The following RHOBTB1 variants were observed in gnomAD, a reference collection of about 807,000 sequenced individuals.
The protein encoded by RHOBTB1 is rho-related BTB domain-containing protein 1.
In RHOBTB1, 40 loss-of-function variants were observed where a neutral mutation model predicts 71.6. That is an observed-to-expected ratio of 0.56 (90% CI 0.43 to 0.73). The LOEUF is 0.73. RHOBTB1 is among the 30% of genes least tolerant of loss of function. The pLI is 0.00. For synonymous variants in RHOBTB1, 319 were observed against 334.9 expected (o/e 0.95, Z 0.52); for missense variants, 797 against 894.0 (o/e 0.89, Z 1.38).
Position 60,889,277 on chromosome 10 carries a change from A to G in RHOBTB1, c.483-92T>C, listed in dbSNP as rs1314028937. 4.6e-6 allele frequency: 6 copies of G among 1,292,800 alleles called. No individual in the cohort carries two copies. The Admixed American group carries it at 1.3e-4, about 29-fold the overall frequency. 80.1% of individuals were successfully genotyped at this position (1,292,800 alleles called of 1,614,324 possible). A position where few individuals can be genotyped will look rare whatever the true frequency, so the allele number is the denominator to read the frequency against. On this transcript the variant is annotated intron_variant, in intron 5 of 10. Transcript: ENST00000337910. ...ATCTAAGCACCTAATGGAACTATAC[A>G]CTGAAAACTCCAGTCAGGCTTTTAG...
At chr10:60,917,249 T>C (rs1366773528) in intron 2 of RHOBTB1, among the ~76,000 whole-genome samples, 2 of 152,248 alleles carry the variant, frequency 1.3e-5, no homozygotes, top group African/African-American at 4.8e-5. Flanking sequence ...CTTTCCTTCT[T>C]GCCAACTCTC....
At chr10:61,000,045 C>T (rs2087203307) in intron 1 of RHOBTB1, among the ~76,000 whole-genome samples, 2 of 152,344 alleles carry the variant, frequency 1.3e-5, no homozygotes, top group South Asian at 4.1e-4. Context: ...TAAGCAGCTA[C>T]ATAAATTTAA....
At chr10:60,902,788 A>G (rs1022438074) in intron 4 of RHOBTB1, among the ~76,000 whole-genome samples, 1 of 152,212 alleles carries the variant, frequency 6.6e-6, no homozygotes, top group Admixed American at 6.5e-5. Context: ...AATTCAACTT[A>G]GTAAAATAAT....
Position 60,877,984 on chromosome 10 carries a change from A to T in RHOBTB1, c.1650T>A (p.Pro550=). 1 of 1,613,886 alleles carries T rather than the reference A, an allele frequency of 6.2e-7. No individual in the cohort carries two copies. Among genetic ancestry groups the T allele is most frequent in the Non-Finnish European group, 8.5e-7 (1 of 1,179,766 alleles). Reference sequence around the variant, plus strand: ...ATTCCAGCGGGTCCAGATCCAAGTTAGGAGACAACTGCTTGGTATAGAGAT... The same window carrying T: ...ATTCCAGCGGGTCCAGATCCAAGTTTGGAGACAACTGCTTGGTATAGAGAT... ...LDYLYTKQLS[P]NLDLDPLELI... Residue 550 remains proline (P), a synonymous_variant, in exon 8 of 11, where the codon CCT becomes CCA. Coordinates refer to ENST00000337910, the MANE Select transcript of RHOBTB1 (RefSeq NM_014836.5).
intron 2 of RHOBTB1, among the ~76,000 whole-genome samples, chr10:60,961,289 T>C (rs778692865): frequency 3.9e-5 from 6 of 152,154 alleles, no homozygotes; most frequent in Non-Finnish European, 8.8e-5. Flanking sequence ...TGCCTAGAGC[T>C]GGACACATCT....
intron 2 of RHOBTB1, among the ~76,000 whole-genome samples, chr10:60,912,001 T>C (rs959143890): frequency 6.6e-6 from 1 of 152,184 alleles, no homozygotes; most frequent in Non-Finnish European, 1.5e-5. Flanking sequence ...ACAAGATCGC[T>C]CATTAGCCAA....
intron 2 of RHOBTB1, among the ~76,000 whole-genome samples, chr10:60,917,618 A>G (rs1193017398): frequency 6.6e-6 from 1 of 152,122 alleles, no homozygotes; most frequent in African/African-American, 2.4e-5. Context: ...AAAGGGCACT[A>G]ATCTCATCAT....
At chr10:60,954,661 T>C (rs2085524733) in intron 2 of RHOBTB1, among the ~76,000 whole-genome samples, 1 of 152,104 alleles carries the variant, frequency 6.6e-6, no homozygotes, top group Non-Finnish European at 1.5e-5. Context: ...GGAAACCTAC[T>C]TGAAAAAATG....
At chr10:60,886,031 G>A (rs550232380) in intron 7 of RHOBTB1, 81 bp downstream of exon 7, 25 of 997,660 alleles carry the variant, frequency 2.5e-5, no homozygotes, top group Middle Eastern at 2.1e-4. Flanking sequence ...AAAGTCATCT[G>A]GCTGTTTACC....
At chr10:60,953,930 G>T (rs930833273) in intron 2 of RHOBTB1, among the ~76,000 whole-genome samples, 1 of 151,666 alleles carries the variant, frequency 6.6e-6, no homozygotes, top group African/African-American at 2.4e-5. Context: ...CCTGTTAAAA[G>T]AAACATTAAG....
Position 60,935,729 on chromosome 10 carries a change from C to G in RHOBTB1, c.-11+6075G>C, listed in dbSNP as rs185602799. ...TAAATTTACAATTAAATAAATTATA[C>G]CAAAAACAAAGATAATAAGTACTCA... On this transcript the variant is annotated intron_variant, in intron 2 of 10. Transcript: ENST00000337910. Among the ~76,000 whole-genome samples the G allele has an allele frequency of 4.4e-3, 669 of 152,164 alleles. 2 individuals carry two copies. The highest frequency in any genetic ancestry group is 7.4e-3 in the Non-Finnish European group (501 of 68,014).
chr10:60,950,477 C>A (rs2085373199), intron 2 of RHOBTB1, among the ~76,000 whole-genome samples: 1 of 151,988 alleles, frequency 6.6e-6, no homozygotes. Context: ...TTTAAAAAAC[C>A]AAAAACGAAA....
At chr10:60,962,386 CAG>C (rs936439018) in intron 2 of RHOBTB1, among the ~76,000 whole-genome samples, 10 of 152,156 alleles carry the variant, frequency 6.6e-5, no homozygotes, top group Admixed American at 2.6e-4. Flanking sequence ...GCAGACATGA[CAG>C]GGGAGGAAGA....
intron 7 of RHOBTB1, among the ~76,000 whole-genome samples, chr10:60,879,171 C>T (rs2081188364): frequency 6.6e-6 from 1 of 152,032 alleles, no homozygotes; most frequent in Non-Finnish European, 1.5e-5. Context: ...GGGATTTAAA[C>T]CCAGGGAGTA....
chr10:60,987,755 A>C (rs2086713740), intron 1 of RHOBTB1, among the ~76,000 whole-genome samples: 1 of 151,962 alleles, frequency 6.6e-6, no homozygotes. Context: ...ACGCTTTCCA[A>C]GATCTGAGAT....
the RHOBTB1 span, among the ~76,000 whole-genome samples, chr10:60,861,783 TAAAAAGATACCCACTA>T: frequency 1.3e-5 from 2 of 152,164 alleles, no homozygotes; most frequent in Admixed American, 1.3e-4. Flanking sequence ...TGAAAGAACG[TAAAAAGATACCCACTA>T]AAATAAGTTC....
At chr10:60,982,060 T>A (rs140930174) in intron 2 of RHOBTB1, among the ~76,000 whole-genome samples, 2 of 152,368 alleles carry the variant, frequency 1.3e-5, no homozygotes, top group African/African-American at 4.8e-5. Context: ...CATGAGCCAC[T>A]GTGGCTGGCC....
At chr10:60,905,568 A>G (rs1214650629) in intron 4 of RHOBTB1, among the ~76,000 whole-genome samples, 1 of 149,618 alleles carries the variant, frequency 6.7e-6, no homozygotes. Flanking sequence ...TGTCTGAGGC[A>G]GAAGGGAAAA....
chr10:60,874,131 T>C (rs141990375), intron 9 of RHOBTB1, among the ~76,000 whole-genome samples: 160 of 152,324 alleles, frequency 1.1e-3, no homozygotes, highest in Non-Finnish European at 1.8e-3. Flanking sequence ...TAGTAAGTCA[T>C]TGTCTTAACA....
Sources: gnomAD v4.1 joint callset for allele counts (sites outside exome capture counted in the v4.1 genomes callset) on GRCh38, gnomAD v4.1.1 for gene constraint, MANE v1.5 for transcripts, NCBI Gene and HGNC (gene_info 2026-07-23, HGNC 2026-07-21) for gene names.